The following PVT1 variants were observed in gnomAD, a reference collection of about 807,000 sequenced individuals.
PVT1 encodes the protein CXCR4/PVT1 fusion.
intron 3 of PVT1, among the ~76,000 whole-genome samples, chr8:127,950,737 A>G (rs112776720): frequency 2.6e-5 from 4 of 152,194 alleles, no homozygotes; most frequent in African/African-American, 9.6e-5. Flanking sequence ...CTTCCCTCAC[A>G]CTCAAGATTC....
chr8:127,963,769 G>A (rs911908679), intron 3 of PVT1, among the ~76,000 whole-genome samples: 13 of 152,146 alleles, frequency 8.5e-5, no homozygotes, highest in Admixed American at 5.9e-4. Context: ...GGGCCCAGGT[G>A]GGGTTGGAAT....
intron 3 of PVT1, among the ~76,000 whole-genome samples, chr8:127,950,484 T>G (rs1196037939): frequency 6.6e-6 from 1 of 152,198 alleles, no homozygotes; most frequent in Non-Finnish European, 1.5e-5. Flanking sequence ...CCACGCTGCC[T>G]CCACTCCTGA....
At chr8:128,042,487 C>T (rs1222402749) in intron 4 of PVT1, among the ~76,000 whole-genome samples, 3 of 152,160 alleles carry the variant, frequency 2.0e-5, no homozygotes, top group Non-Finnish European at 2.9e-5. Context: ...GTGCAGGACA[C>T]AGGATACTCC....
rs1334996696 is a variant in PVT1, at chr8:127,818,654, G to A, written n.372+22583G>A. Among the ~76,000 whole-genome samples, 5 of 152,276 alleles carry A rather than the reference G, an allele frequency of 3.3e-5. No homozygotes were observed. In the East Asian group the frequency reaches 7.7e-4, roughly 23 times the overall value. On this transcript the variant is annotated intron_variant and non_coding_transcript_variant, in intron 2 of 10. Coordinates refer to ENST00000651587, the Ensembl canonical transcript of PVT1. ...ATAATGGATAAGGGTGCACTCTGCA[G>A]TTCCAGCAGCATTGATTTGAATTCC...
chr8:127,943,663 TGTGGTG>T, intron 3 of PVT1, among the ~76,000 whole-genome samples: 1 of 152,314 alleles, frequency 6.6e-6, no homozygotes, highest in East Asian at 1.9e-4. Context: ...CATGTTCTTT[TGTGGTG>T]GTGTTGGTGG....
chr8:128,039,375 C>G (rs1813505190), intron 4 of PVT1, among the ~76,000 whole-genome samples: 2 of 152,238 alleles, frequency 1.3e-5, no homozygotes, highest in Non-Finnish European at 2.9e-5. Context: ...AATTTCTACC[C>G]TGTGCCCACC....
intron 3 of PVT1, among the ~76,000 whole-genome samples, chr8:127,914,378 T>C (rs776819481): frequency 6.8e-6 from 1 of 147,686 alleles, no homozygotes; most frequent in African/African-American, 2.5e-5. Context: ...TGTAAGATGA[T>C]ACAGTCTCTG....
chr8:128,090,448 A>G (rs954956835), intron 5 of PVT1, among the ~76,000 whole-genome samples: 5 of 152,202 alleles, frequency 3.3e-5, no homozygotes, highest in Non-Finnish European at 7.3e-5. Context: ...AGAAAAGTTA[A>G]AGGCTGACTT....
chr8:127,987,210 C>T (rs1231730491), intron 3 of PVT1, among the ~76,000 whole-genome samples: 1 of 152,202 alleles, frequency 6.6e-6, no homozygotes, highest in Non-Finnish European at 1.5e-5. Flanking sequence ...CTGGATTTCC[C>T]TGGTAGTTTA....
chr8:128,087,038 C>A (rs190588344), intron 5 of PVT1, among the ~76,000 whole-genome samples: 1 of 152,238 alleles, frequency 6.6e-6, no homozygotes, highest in Non-Finnish European at 1.5e-5. Flanking sequence ...TTAGGTTGCA[C>A]GATCAGTGCC....
chr8:128,040,141 G>A (rs1206974593), intron 4 of PVT1, among the ~76,000 whole-genome samples: 1 of 152,198 alleles, frequency 6.6e-6, no homozygotes, highest in African/African-American at 2.4e-5. Context: ...CCAGGCCATG[G>A]TACTCAGACA....
At chr8:127,895,857 C>T (rs1815667956) in intron 3 of PVT1, among the ~76,000 whole-genome samples, 1 of 152,196 alleles carries the variant, frequency 6.6e-6, no homozygotes, top group African/African-American at 2.4e-5. Flanking sequence ...CTTGTCAGTT[C>T]TGCCTTTGTA....
intron 3 of PVT1, among the ~76,000 whole-genome samples, chr8:127,930,635 T>G (rs917670574): frequency 2.6e-5 from 4 of 152,100 alleles, no homozygotes; most frequent in African/African-American, 4.8e-5. Context: ...TGAATAGGAA[T>G]GTAGGGGCCC....
chr8:127,944,262 A>G (rs569488223), intron 3 of PVT1, among the ~76,000 whole-genome samples: 2 of 152,136 alleles, frequency 1.3e-5, no homozygotes, highest in African/African-American at 2.4e-5. Flanking sequence ...CCATTTGACT[A>G]TTTTTTCTGC....
chr8:127,908,420 C>T (rs774465044), intron 3 of PVT1, among the ~76,000 whole-genome samples: 44 of 151,216 alleles, frequency 2.9e-4, no homozygotes, highest in Non-Finnish European at 5.6e-4. Flanking sequence ...TGACTCGCTG[C>T]AACCTCCGCC....
At chr8:127,994,540 C>A (rs117266466) in intron 4 of PVT1, among the ~76,000 whole-genome samples, 2,927 of 152,286 alleles carry the variant, frequency 0.019, 42 homozygotes, top group South Asian at 0.035. Flanking sequence ...TCCAGAGAAA[C>A]AGGACCAATA....
At chr8:128,068,704 G>A (rs750065533) in intron 4 of PVT1, among the ~76,000 whole-genome samples, 3 of 152,184 alleles carry the variant, frequency 2.0e-5, no homozygotes, top group Non-Finnish European at 4.4e-5. Context: ...ATGTTAGCCA[G>A]GATGGTCTTG....
At chr8:128,052,975 C>T (rs932167623) in intron 4 of PVT1, among the ~76,000 whole-genome samples, 12 of 152,196 alleles carry the variant, frequency 7.9e-5, no homozygotes, top group Non-Finnish European at 1.6e-4. Context: ...ACCACTCTGC[C>T]AGACCTTTCT....
At chr8:127,966,477 A>T (rs1482333292) in intron 3 of PVT1, among the ~76,000 whole-genome samples, 1 of 152,200 alleles carries the variant, frequency 6.6e-6, no homozygotes, top group African/African-American at 2.4e-5. Context: ...ACCTCTAGGA[A>T]GCTAAACTGG....
Sources: allele counts gnomAD v4.1 joint callset (sites outside exome capture counted in the v4.1 genomes callset), GRCh38; gene constraint gnomAD v4.1.1; transcripts MANE v1.5; gene names NCBI Gene and HGNC (gene_info 2026-07-23, HGNC 2026-07-21).